The following CFHR4 variants were observed in gnomAD, a reference collection of about 807,000 sequenced individuals.
The protein encoded by CFHR4 is complement factor H-related protein 4.
In CFHR4, 64 loss-of-function variants were observed where a neutral mutation model predicts 69.3. The ratio of observed to expected loss-of-function variants is 0.92; its 90% CI spans 0.76 to 1.14. The LOEUF is 1.14. Among genes scored for constraint, CFHR4 ranks in the 50% most tolerant of loss-of-function variants. The pLI is 0.00. For missense variants in CFHR4, 636 were observed against 684.9 expected (o/e 0.93, Z 0.80); for synonymous variants, 244 against 237.0 (o/e 1.03, Z -0.27).
Position 196,902,575 on chromosome 1 carries a change from T to C in CFHR4, c.216T>C (p.His72=). 1.2e-6 allele frequency: 2 copies of C among 1,612,436 alleles called. No individual in the cohort carries two copies. Among genetic ancestry groups the C allele is most frequent in the Non-Finnish European group, 1.7e-6 (2 of 1,179,372 alleles). The part of the protein sequence containing the change: ...TPSGSYWDYI[H]CTQDGWSPTV... Reference sequence around the variant, plus strand: ...CAGGAAGTTACTGGGATTACATTCATTGCACACAAGATGGTTGGTCACCAA... The same window carrying C: ...CAGGAAGTTACTGGGATTACATTCACTGCACACAAGATGGTTGGTCACCAA... The change falls in exon 2 of 10, where the codon CAT becomes CAC. Residue 72 remains histidine, a synonymous_variant. Coordinates refer to ENST00000608469, the MANE Select transcript of CFHR4 (RefSeq NM_001201550.3).
intron 1 of CFHR4, among the ~76,000 whole-genome samples, chr1:196,893,954 A>G (rs952894678): frequency 6.6e-6 from 1 of 151,544 alleles, no homozygotes; most frequent in African/African-American, 2.4e-5. Flanking sequence ...TGCTTCCATG[A>G]TAACTCTTAA....
Position 196,910,798 on chromosome 1 carries a change from A to G in CFHR4, c.997+320A>G, listed in dbSNP as rs145783255. 3.5e-3 allele frequency among the ~76,000 whole-genome samples: 537 copies of G among 151,698 alleles called. 22 individuals carry two copies. Among genetic ancestry groups the G allele is most frequent in the Admixed American group, 0.029 (437 of 15,216 alleles). Reference sequence around the variant, plus strand: ...TTTAGTTTTCCTTCAGTGATACGTCATTTTTGTGTACTGATGCAGTCTTAT... The same window carrying G: ...TTTAGTTTTCCTTCAGTGATACGTCGTTTTTGTGTACTGATGCAGTCTTAT... On this transcript the variant is annotated intron_variant, in intron 6 of 9. Coordinates refer to ENST00000608469, the MANE Select transcript of CFHR4 (RefSeq NM_001201550.3).
At chr1:196,900,509 T>G (rs1657548241) in intron 1 of CFHR4, among the ~76,000 whole-genome samples, 1 of 151,294 alleles carries the variant, frequency 6.6e-6, no homozygotes, top group African/African-American at 2.4e-5. Context: ...GTTATTTACA[T>G]TCTATGAAAC....
At chr1:196,913,501 C>T (rs962568728) in intron 7 of CFHR4, among the ~76,000 whole-genome samples, 1 of 151,444 alleles carries the variant, frequency 6.6e-6, no homozygotes, top group Non-Finnish European at 1.5e-5. Context: ...TACAAACCTC[C>T]TACCTGCCAA....
chr1:196,888,237 C>A (rs767241544), intron 1 of CFHR4, 29 bp downstream of exon 1: 1 of 1,605,132 alleles, frequency 6.2e-7, no homozygotes. Context: ...AAACACTCAG[C>A]TTCCCTCTTA....
intron 1 of CFHR4, among the ~76,000 whole-genome samples, chr1:196,895,600 T>C (rs546570899): frequency 6.6e-6 from 1 of 151,628 alleles, no homozygotes; most frequent in African/African-American, 2.4e-5. Context: ...CTTTCAGAAT[T>C]TCTTTTTGTT....
intron 1 of CFHR4, among the ~76,000 whole-genome samples, chr1:196,897,178 C>A (rs1269795149): frequency 2.6e-5 from 4 of 151,568 alleles, no homozygotes; most frequent in African/African-American, 9.7e-5. Flanking sequence ...CCCTGATTCC[C>A]CTCGCAGGAC....
At chr1:196,912,442 T>C (rs1293463522) in intron 6 of CFHR4, among the ~76,000 whole-genome samples, 2 of 151,436 alleles carry the variant, frequency 1.3e-5, no homozygotes, top group East Asian at 3.9e-4. Flanking sequence ...TTCCAAAATA[T>C]CATTAGGGAC....
rs1051191311 is a variant in CFHR4 at position 196,901,436 on chromosome 1, TAAGA to T, written c.59-973_59-970del. ...CCTGAAAATCTCGCTAATGAAAAAA[TAAGA>T]AAGAAAGACAATAAACCAGTGGACT... On this transcript the variant is annotated intron_variant, in intron 1 of 9. Coordinates refer to ENST00000608469, the MANE Select transcript of CFHR4 (RefSeq NM_001201550.3). 6.6e-5 allele frequency among the ~76,000 whole-genome samples: 10 copies of T among 150,978 alleles called. 1 individual carries two copies. Among genetic ancestry groups the T allele is most frequent in the African/African-American group, 2.0e-4 (8 of 40,892 alleles).
rs796341517 is a variant in CFHR4 at position 196,895,051 on chromosome 1, C to T, written c.58+6843C>T. 6.0e-5 allele frequency among the ~76,000 whole-genome samples: 9 copies of T among 151,082 alleles called. 1 individual carries two copies. The highest frequency in any genetic ancestry group is 2.2e-4 in the African/African-American group (9 of 40,960). On this transcript the variant is annotated intron_variant, in intron 1 of 9. Coordinates refer to ENST00000608469, the MANE Select transcript of CFHR4 (RefSeq NM_001201550.3). ...TTCTGGCCTGGGTGCCAGAGCATGA[C>T]CCTGTCAAAAAAAATTATATTAAAG...
chr1:196,897,977 A>G (rs1019131129), intron 1 of CFHR4, among the ~76,000 whole-genome samples: 2 of 151,456 alleles, frequency 1.3e-5, no homozygotes, highest in Admixed American at 6.6e-5. Context: ...AGAAAAGCTG[A>G]AAGACTTCTG....
chr1:196,893,328 A>G (rs1422774946), intron 1 of CFHR4, among the ~76,000 whole-genome samples: 1 of 151,598 alleles, frequency 6.6e-6, no homozygotes, highest in Non-Finnish European at 1.5e-5. Flanking sequence ...GAAGCAGGTA[A>G]CAGTATTATC....
At chr1:196,896,390 A>G (rs1657296293) in intron 1 of CFHR4, among the ~76,000 whole-genome samples, 1 of 151,546 alleles carries the variant, frequency 6.6e-6, no homozygotes, top group Admixed American at 6.6e-5. Context: ...GGAATATCCT[A>G]GTGTATCTCC....
chr1:196,892,184 A>G (rs1398571600), intron 1 of CFHR4, among the ~76,000 whole-genome samples: 2 of 151,558 alleles, frequency 1.3e-5, no homozygotes, highest in Non-Finnish European at 2.9e-5. Flanking sequence ...AAGTGGATAA[A>G]GTGGAATGAG....
intron 1 of CFHR4, among the ~76,000 whole-genome samples, chr1:196,896,033 C>T (rs113158301): frequency 6.6e-6 from 1 of 150,386 alleles, no homozygotes. Context: ...GCACTTTTTG[C>T]TAAGTGTTCA....
At chr1:196,917,585 C>A (rs1204359978) in intron 9 of CFHR4, among the ~76,000 whole-genome samples, 1 of 151,076 alleles carries the variant, frequency 6.6e-6, no homozygotes, top group African/African-American at 2.5e-5. Context: ...ATCCTTGCCT[C>A]TTTAAAATAG....
chr1:196,905,510 G>A (rs1657861776), intron 3 of CFHR4, among the ~76,000 whole-genome samples: 1 of 151,406 alleles, frequency 6.6e-6, no homozygotes, highest in Admixed American at 6.6e-5. Flanking sequence ...AATTCAATTT[G>A]CCTTTACGTA....
At chr1:196,900,790 A>G (rs1420787312) in intron 1 of CFHR4, among the ~76,000 whole-genome samples, 3 of 151,438 alleles carry the variant, frequency 2.0e-5, no homozygotes, top group African/African-American at 4.9e-5. Flanking sequence ...ACAGAATGTA[A>G]CATAGAAGGA....
intron 9 of CFHR4, 109 bp from the exon 10 acceptor site, chr1:196,918,101 T>C: frequency 1.7e-6 from 2 of 1,163,388 alleles, no homozygotes; most frequent in African/African-American, 1.6e-5. Flanking sequence ...ATTAACTATT[T>C]GGATTATTTT....
Sources: allele counts gnomAD v4.1 joint callset (sites outside exome capture counted in the v4.1 genomes callset), GRCh38; gene constraint gnomAD v4.1.1; transcripts MANE v1.5; gene names NCBI Gene and HGNC (gene_info 2026-07-23, HGNC 2026-07-21).